The following NELL1 variants were observed in gnomAD, a reference collection of about 807,000 sequenced individuals.
NELL1 encodes the protein neural EGFL like 1.
In NELL1, 76 loss-of-function variants were observed where a neutral mutation model predicts 107.4. The ratio of observed to expected loss-of-function variants is 0.71; its 90% CI spans 0.59 to 0.86. NELL1 has a LOEUF of 0.86. NELL1 is among the 40% of genes least tolerant of loss of function. The pLI, the probability that NELL1 is intolerant of heterozygous loss-of-function variation, is 0.00. For missense variants in NELL1, 1,024 were observed against 1,005.5 expected (o/e 1.02, Z -0.25); for synonymous variants, 353 against 341.2 (o/e 1.03, Z -0.38).
chr11:21,196,460 C>T (rs945597502), intron 13 of NELL1, among the ~76,000 whole-genome samples: 2 of 152,094 alleles, frequency 1.3e-5, no homozygotes, highest in African/African-American at 4.8e-5. Context: ...TTTGTCTTGG[C>T]ATTCCTCTGG....
chr11:20,948,765 TAAAAAAAAAAAA>T (rs35915453), intron 11 of NELL1, among the ~76,000 whole-genome samples: 1 of 107,298 alleles, frequency 9.3e-6, no homozygotes, highest in African/African-American at 3.5e-5. Flanking sequence ...TTCAAAATCT[TAAAAAAAAAAAA>T]AAAAAAAAAA....
intron 10 of NELL1, among the ~76,000 whole-genome samples, chr11:20,946,207 T>C (rs1379252239): frequency 6.6e-6 from 1 of 152,192 alleles, no homozygotes; most frequent in Non-Finnish European, 1.5e-5. Flanking sequence ...CAGTCTCTCC[T>C]GCACCCTTCT....
chr11:20,834,530 A>C (rs368080806), intron 3 of NELL1, among the ~76,000 whole-genome samples: 2 of 151,944 alleles, frequency 1.3e-5, no homozygotes, highest in African/African-American at 2.4e-5. Context: ...GTGAAACCCC[A>C]TCTCTACTAA....
chr11:20,971,548 T>G (rs1309456813), intron 12 of NELL1, among the ~76,000 whole-genome samples: 1 of 152,202 alleles, frequency 6.6e-6, no homozygotes, highest in Non-Finnish European at 1.5e-5. Context: ...TATTGTACTC[T>G]TGTTATTGCA....
intron 15 of NELL1, among the ~76,000 whole-genome samples, chr11:21,448,097 T>G (rs1487258552): frequency 6.6e-6 from 1 of 152,182 alleles, no homozygotes; most frequent in Non-Finnish European, 1.5e-5. Flanking sequence ...GCATTAGCAA[T>G]TCAAAACTGT....
chr11:21,182,189 T>G (rs1856842154), intron 13 of NELL1, among the ~76,000 whole-genome samples: 1 of 151,762 alleles, frequency 6.6e-6, no homozygotes, highest in Admixed American at 6.6e-5. Flanking sequence ...ATCCCAGCAC[T>G]TTGGGAGGCC....
intron 13 of NELL1, among the ~76,000 whole-genome samples, chr11:21,141,315 CA>C (rs1855862229): frequency 1.3e-5 from 2 of 152,314 alleles, no homozygotes; most frequent in South Asian, 4.2e-4. Context: ...CAATCTGAAG[CA>C]AGCCACCTTC....
chr11:20,992,808 G>T (rs943478447), intron 12 of NELL1, among the ~76,000 whole-genome samples: 2 of 146,180 alleles, frequency 1.4e-5, no homozygotes, highest in Admixed American at 1.5e-4. Flanking sequence ...TCCACCTCCT[G>T]GGTTCAAACC....
chr11:20,755,681 G>C lies in NELL1; in HGVS notation c.185-27999G>C, dbSNP rs1410715269. 4.6e-5 allele frequency among the ~76,000 whole-genome samples: 7 copies of C among 150,612 alleles called. No individual in the cohort carries two copies. The South Asian group carries it at 1.5e-3, about 32-fold the overall frequency. On this transcript the variant is annotated intron_variant, in intron 2 of 19. Coordinates refer to ENST00000357134, the MANE Select transcript of NELL1 (RefSeq NM_006157.5). ...AGCGATTCTCCTGCCTCAGCCTCCCGAGTAACTGAGATTACAGGCATGAGC... is the reference window on the plus strand; with the variant it reads ...AGCGATTCTCCTGCCTCAGCCTCCCCAGTAACTGAGATTACAGGCATGAGC...
At chr11:21,173,410 T>C (rs1461965146) in intron 13 of NELL1, among the ~76,000 whole-genome samples, 4 of 151,880 alleles carry the variant, frequency 2.6e-5, no homozygotes, top group Admixed American at 2.6e-4. Flanking sequence ...ACATTCTTTT[T>C]TTCTAATTTA....
Position 20,844,858 on chromosome 11 carries a change from A to G in NELL1, c.336-2725A>G, listed in dbSNP as rs189705264. 4.1e-4 allele frequency among the ~76,000 whole-genome samples: 62 copies of G among 152,346 alleles called. 1 individual carries two copies. In the East Asian group the frequency reaches 4.2e-3, roughly 10 times the overall value. ...CAGGTGATGCTGCTATTGGTGTTCT[A>G]CAGACCACCCTGAGTCACAAGGTTC... is the stretch of plus-strand genomic sequence containing the variant. On this transcript the variant is annotated intron_variant, in intron 3 of 19. Transcript: ENST00000357134.
intron 15 of NELL1, among the ~76,000 whole-genome samples, chr11:21,517,514 A>G (rs1855597199): frequency 6.6e-6 from 1 of 152,100 alleles, no homozygotes; most frequent in Non-Finnish European, 1.5e-5. Flanking sequence ...TCACTCATTT[A>G]GATTGCTTGC....
At chr11:21,006,967 A>T (rs1852340552) in intron 12 of NELL1, among the ~76,000 whole-genome samples, 1 of 152,154 alleles carries the variant, frequency 6.6e-6, no homozygotes, top group Non-Finnish European at 1.5e-5. Context: ...CTTTGTATGG[A>T]TATCTACCTG....
intron 14 of NELL1, among the ~76,000 whole-genome samples, chr11:21,274,234 A>G (rs1370994828): frequency 3.3e-5 from 5 of 152,222 alleles, no homozygotes; most frequent in Non-Finnish European, 5.9e-5. Flanking sequence ...GAAAACAAAA[A>G]AAAGCAGGGG....
intron 13 of NELL1, among the ~76,000 whole-genome samples, chr11:21,206,277 G>A (rs1021070270): frequency 6.6e-6 from 1 of 152,044 alleles, no homozygotes; most frequent in Admixed American, 6.6e-5. Context: ...TCCAATCTCT[G>A]CCTATGTCCT....
intron 3 of NELL1, among the ~76,000 whole-genome samples, chr11:20,785,155 G>A (rs1329116332): frequency 6.6e-6 from 1 of 152,200 alleles, no homozygotes; most frequent in Non-Finnish European, 1.5e-5. Flanking sequence ...GGGAGTGGGA[G>A]CAGCAAACAG....
intron 2 of NELL1, among the ~76,000 whole-genome samples, chr11:20,735,682 C>A (rs1306912059): frequency 6.6e-6 from 1 of 152,104 alleles, no homozygotes; most frequent in East Asian, 1.9e-4. Flanking sequence ...CAGCATGAAA[C>A]CTTGTTTGAA....
chr11:20,967,229 ACTT>A (rs1851404309), intron 12 of NELL1, among the ~76,000 whole-genome samples: 1 of 152,124 alleles, frequency 6.6e-6, no homozygotes, highest in South Asian at 2.1e-4. Flanking sequence ...GTGTGAATGA[ACTT>A]CTGTGGAAAC....
At chr11:20,756,654 C>A (rs1241722351) in intron 2 of NELL1, among the ~76,000 whole-genome samples, 1 of 136,738 alleles carries the variant, frequency 7.3e-6, no homozygotes, top group East Asian at 2.2e-4. Context: ...AGCCACCACA[C>A]CAGGCCAGAA....
Sources: gnomAD v4.1 joint callset for allele counts (sites outside exome capture counted in the v4.1 genomes callset) on GRCh38, gnomAD v4.1.1 for gene constraint, MANE v1.5 for transcripts, NCBI Gene and HGNC (gene_info 2026-07-23, HGNC 2026-07-21) for gene names.